Variants in ATG13 observed in about 807,000 individuals in gnomAD.
ATG13 encodes the protein autophagy related 13.
ATG13 carries 23 observed loss-of-function variants against 65.5 expected under a neutral mutation model. The ratio of observed to expected loss-of-function variants is 0.35; its 90% CI spans 0.25 to 0.50. ATG13 has a LOEUF of 0.50. Among genes scored for constraint, ATG13 ranks in the 20% least tolerant of loss-of-function variants. The pLI is 0.98. For missense variants in ATG13, 566 were observed against 677.0 expected (o/e 0.84, Z 1.82); for synonymous variants, 252 against 245.2 (o/e 1.03, Z -0.26).
chr11:46,657,649 C>T (rs1218861279), intron 10 of ATG13, 27 bp downstream of exon 10: 1 of 1,538,890 alleles, frequency 6.5e-7, no homozygotes, highest in East Asian at 2.3e-5. Context: ...GGTGCTCTCC[C>T]AAACTGCAGC....
intron 11 of ATG13, among the ~76,000 whole-genome samples, chr11:46,661,363 A>G (rs888264845): frequency 1.3e-5 from 2 of 151,662 alleles, no homozygotes; most frequent in African/African-American, 4.8e-5. Flanking sequence ...CTGAAAATAC[A>G]AAAAATTAGC....
rs541249501 is a variant in ATG13 at position 46,665,032 on chromosome 11, C to T, written c.999+73C>T. The stretch of plus-strand genomic sequence containing the variant: ...CTGCCCGGAGGCAATTGAGGGGTCT[C>T]TCAAGGCAGAGGGATATGTTCTAAG... On this transcript the variant is annotated intron_variant, in intron 13 of 18. Transcript: ENST00000683050. 2.6e-5 allele frequency: 36 copies of T among 1,410,726 alleles called. 3 individuals are homozygous for T. In the South Asian group the frequency reaches 4.1e-4, roughly 16 times the overall value. 87.4% of individuals were successfully genotyped at this position (1,410,726 alleles called of 1,614,324 possible).
At chr11:46,623,089 C>T (rs969200798) in intron 1 of ATG13, among the ~76,000 whole-genome samples, 3 of 151,886 alleles carry the variant, frequency 2.0e-5, no homozygotes, top group African/African-American at 7.3e-5. Context: ...GGTCGGGAGA[C>T]CATCCGGGCT....
intron 1 of ATG13, among the ~76,000 whole-genome samples, chr11:46,623,297 G>GAAAAGA (rs1042868602): frequency 6.6e-6 from 1 of 152,006 alleles, no homozygotes; most frequent in Non-Finnish European, 1.5e-5. Context: ...CCGTCTCAAA[G>GAAAAGA]AAAAGAAAAA....
chr11:46,671,799 C>T (rs890167725), intron 18 of ATG13, among the ~76,000 whole-genome samples: 66 of 152,316 alleles, frequency 4.3e-4, no homozygotes, highest in African/African-American at 1.5e-3. Flanking sequence ...GCTACTGTGT[C>T]AGAATGTCAG....
In ATG13 at chr11:46,644,266, T is replaced by G. The variant is rs1431489236; in HGVS notation, c.-13-13T>G. On this transcript the variant is annotated splice_polypyrimidine_tract_variant and intron_variant, in intron 2 of 18. Transcript: ENST00000683050. ...AAGATATTAGTCATATTTTTTTCAC[T>G]TTTTTTTTTTAGATTCCTATAGGCA... The G allele has an allele frequency of 1.4e-6, 1 of 720,386 alleles. No individual in the cohort carries two copies. Among genetic ancestry groups the G allele is most frequent in the Admixed American group, 3.6e-5 (1 of 27,882 alleles). 44.6% of individuals were successfully genotyped at this position (720,386 alleles called of 1,614,324 possible). A position where few individuals can be genotyped will look rare whatever the true frequency, so the allele number is the denominator to read the frequency against.
chr11:46,631,775 A>C (rs1225496115), intron 2 of ATG13, among the ~76,000 whole-genome samples: 1 of 152,130 alleles, frequency 6.6e-6, no homozygotes, highest in Non-Finnish European at 1.5e-5. Context: ...GCTACTTGAG[A>C]GGCTGAGATG....
chr11:46,621,596 T>A (rs1189629643), intron 1 of ATG13, among the ~76,000 whole-genome samples: 1 of 152,200 alleles, frequency 6.6e-6, no homozygotes, highest in African/African-American at 2.4e-5. Flanking sequence ...CTTACATTTA[T>A]GTGCTCTTCT....
At chr11:46,663,852 T>C in intron 11 of ATG13, 145 bp from the exon 12 acceptor site, 1 of 593,506 alleles carries the variant, frequency 1.7e-6, no homozygotes, top group Non-Finnish European at 2.9e-6. Context: ...CCCACGCCCT[T>C]GCCCTGCTTC....
intron 8 of ATG13, chr11:46,656,478 A>G (rs1592050837): frequency 2.3e-6 from 1 of 443,222 alleles, no homozygotes. Flanking sequence ...AGTTCCAGGA[A>G]CTCAGTCTTC....
intron 1 of ATG13, among the ~76,000 whole-genome samples, chr11:46,619,026 G>A (rs1221601203): frequency 6.6e-6 from 1 of 152,052 alleles, no homozygotes; most frequent in East Asian, 1.9e-4. Context: ...CTTTAGGTGT[G>A]GAATATTCGA....
chr11:46,647,364 G>A (rs531931574), intron 5 of ATG13, among the ~76,000 whole-genome samples: 25 of 143,968 alleles, frequency 1.7e-4, no homozygotes, highest in African/African-American at 5.2e-4. Flanking sequence ...TGCAACCTCC[G>A]CCTCCCAGGT....
At chr11:46,647,825 A>G (rs1311767495) in intron 5 of ATG13, among the ~76,000 whole-genome samples, 3 of 150,452 alleles carry the variant, frequency 2.0e-5, no homozygotes, top group South Asian at 4.2e-4. Context: ...AGCTCACTGC[A>G]GCTTCAAACT....
intron 2 of ATG13, among the ~76,000 whole-genome samples, chr11:46,634,040 C>T (rs982744187): frequency 2.6e-5 from 4 of 152,108 alleles, no homozygotes; most frequent in Non-Finnish European, 5.9e-5. Flanking sequence ...CAGCAGGCCT[C>T]TGATCGCCTT....
chr11:46,654,295 A>T (rs2059573981), intron 7 of ATG13, among the ~76,000 whole-genome samples: 1 of 143,176 alleles, frequency 7.0e-6, no homozygotes, highest in East Asian at 2.0e-4. Flanking sequence ...ATATATATAT[A>T]TATATATATA....
chr11:46,672,542 C>T lies in ATG13; in HGVS notation c.*210C>T. 6.9e-7 allele frequency: 1 copy of T among 1,453,198 alleles called. No homozygotes were observed. The highest frequency in any genetic ancestry group is 9.1e-7 in the Non-Finnish European group (1 of 1,101,724). 90.0% of individuals were successfully genotyped at this position (1,453,198 alleles called of 1,614,324 possible). On this transcript the variant is annotated 3_prime_UTR_variant, in exon 19 of 19. Coordinates refer to ENST00000683050, the MANE Select transcript of ATG13 (RefSeq NM_001346311.2). ...GCCCAGTGCCCAGTTGGAGAAGACT[C>T]ACGTGCTGGCCTTGGAGATGGGAAG...
At chr11:46,659,708 G>A (rs537398379) in intron 11 of ATG13, 123 of 405,560 alleles carry the variant, frequency 3.0e-4, no homozygotes, top group African/African-American at 2.3e-3. Context: ...TACCTTCCTG[G>A]TGACATCTTA....
At chr11:46,657,483 G>T in intron 9 of ATG13, 41 bp from the exon 10 acceptor site, 1 of 1,580,852 alleles carries the variant, frequency 6.3e-7, no homozygotes, top group South Asian at 1.1e-5. Flanking sequence ...GGGCTGGAAA[G>T]GCATTCTAAC....
chr11:46,627,661 T>G (rs1030367575), intron 1 of ATG13, among the ~76,000 whole-genome samples: 3 of 151,990 alleles, frequency 2.0e-5, no homozygotes, highest in African/African-American at 4.8e-5. Flanking sequence ...TTATTTTTAA[T>G]AGAGATGGGG....
Sources: gnomAD v4.1 joint callset for allele counts (sites outside exome capture counted in the v4.1 genomes callset) on GRCh38, gnomAD v4.1.1 for gene constraint, MANE v1.5 for transcripts, NCBI Gene and HGNC (gene_info 2026-07-23, HGNC 2026-07-21) for gene names.